CNTN5: variants seen among roughly 807,000 people sequenced by gnomAD.
CNTN5 encodes contactin 5.
Under a neutral mutation model 129.1 loss-of-function variants are expected in CNTN5, and 77 were observed. The ratio of observed to expected loss-of-function variants is 0.60; its 90% CI spans 0.50 to 0.72. The LOEUF is 0.72. CNTN5 is among the 30% of genes least tolerant of loss of function. CNTN5 has a pLI of 0.00. For missense variants in CNTN5, 1,478 were observed against 1,328.8 expected, an observed-to-expected ratio of 1.11 and a Z score of -1.75; for synonymous variants, 509 against 465.6, an observed-to-expected ratio of 1.09 and a Z score of -1.20.
chr11:100,249,833 C>G (rs1430758639), intron 16 of CNTN5, among the ~76,000 whole-genome samples: 1 of 152,096 alleles, frequency 6.6e-6, no homozygotes, highest in Non-Finnish European at 1.5e-5. Flanking sequence ...TGATGTAATT[C>G]ACTCCTAAAT....
chr11:99,550,940 A>G (rs1948460310), intron 2 of CNTN5, among the ~76,000 whole-genome samples: 1 of 152,184 alleles, frequency 6.6e-6, no homozygotes, highest in Admixed American at 6.5e-5. Flanking sequence ...GAGTAAGAGC[A>G]TTTGGCAAAA....
chr11:100,079,539 C>T (rs1022715274), intron 13 of CNTN5, among the ~76,000 whole-genome samples: 4 of 152,078 alleles, frequency 2.6e-5, no homozygotes, highest in African/African-American at 7.2e-5. Context: ...CTGTCCTAGC[C>T]GACCAAATAT....
intron 2 of CNTN5, among the ~76,000 whole-genome samples, chr11:99,541,935 T>C (rs1948123078): frequency 8.4e-6 from 1 of 118,654 alleles, no homozygotes; most frequent in Non-Finnish European, 1.6e-5. Context: ...CTGGTCTTGG[T>C]GACAGAGGGA....
chr11:100,284,106 C>A (rs1024669982), intron 18 of CNTN5, among the ~76,000 whole-genome samples: 8 of 152,184 alleles, frequency 5.3e-5, no homozygotes, highest in Admixed American at 1.3e-4. Flanking sequence ...CAGATTTTCT[C>A]TTCTGTGTTG....
chr11:99,187,278 C>G lies in CNTN5; in HGVS notation c.-209-138068C>G, dbSNP rs571821830. Among the ~76,000 whole-genome samples, 10 of 151,766 alleles carry G rather than the reference C, an allele frequency of 6.6e-5. No homozygotes were observed. The East Asian group carries it at 1.7e-3, about 26-fold the overall frequency. The stretch of plus-strand genomic sequence containing the variant: ...TACCTTCTTCTCTTATAACCCCAGG[C>G]AGCACTTAACATAAAGAGAAGTCTG... On this transcript the variant is annotated intron_variant, in intron 1 of 24. Transcript: ENST00000524871.
At chr11:99,625,061 A>G (rs1429009517) in intron 3 of CNTN5, among the ~76,000 whole-genome samples, 1 of 152,172 alleles carries the variant, frequency 6.6e-6, no homozygotes, top group Non-Finnish European at 1.5e-5. Context: ...TGTTGGACAC[A>G]TGGCAGAAGA....
intron 3 of CNTN5, among the ~76,000 whole-genome samples, chr11:99,742,152 T>C (rs1254194316): frequency 6.6e-6 from 1 of 152,110 alleles, no homozygotes; most frequent in Admixed American, 6.6e-5. Context: ...CTACTTAAAG[T>C]AGGAGGAAGT....
At chr11:99,321,174 C>T (rs1865553631) in intron 1 of CNTN5, among the ~76,000 whole-genome samples, 1 of 150,686 alleles carries the variant, frequency 6.6e-6, no homozygotes, top group South Asian at 2.1e-4. Context: ...TGTCAGCTCC[C>T]ATAATCACAT....
chr11:100,072,883 C>T (rs990876973), intron 12 of CNTN5, among the ~76,000 whole-genome samples: 1 of 150,042 alleles, frequency 6.7e-6, no homozygotes, highest in African/African-American at 2.5e-5. Flanking sequence ...AATTAAAAGG[C>T]TGATTCACCC....
intron 3 of CNTN5, among the ~76,000 whole-genome samples, chr11:99,639,564 T>TTTG (rs1555057424): frequency 2.2e-5 from 3 of 137,778 alleles, no homozygotes; most frequent in African/African-American, 5.4e-5. Context: ...TTTATGTTTT[T>TTTG]TTTTTTTTTT....
chr11:99,160,208 C>T (rs931458924), intron 1 of CNTN5, among the ~76,000 whole-genome samples: 1 of 152,086 alleles, frequency 6.6e-6, no homozygotes, highest in South Asian at 2.1e-4. Context: ...TGATATAAGC[C>T]AGTAGTGTTA....
At chr11:100,050,514 T>A (rs1013561260) in intron 9 of CNTN5, among the ~76,000 whole-genome samples, 2 of 151,946 alleles carry the variant, frequency 1.3e-5, no homozygotes, top group Non-Finnish European at 2.9e-5. Context: ...TTAGGAGATA[T>A]ACCTAATGCT....
chr11:99,774,342 T>A (rs562304632), intron 3 of CNTN5, among the ~76,000 whole-genome samples: 1 of 151,450 alleles, frequency 6.6e-6, no homozygotes, highest in African/African-American at 2.4e-5. Context: ...GTTTTTTTTT[T>A]GGGGGGGTGG....
chr11:99,111,550 C>G (rs558362754), intron 1 of CNTN5, among the ~76,000 whole-genome samples: 6 of 151,970 alleles, frequency 3.9e-5, no homozygotes, highest in African/African-American at 1.2e-4. Context: ...GTGGGGTATA[C>G]AAAAGTGACC....
At position 99,956,883 on chromosome 11, in the gene CNTN5, A is replaced by T. The variant is rs767375808; in HGVS notation, c.751A>T (p.Thr251Ser). The T allele has an allele frequency of 2.5e-6, 4 of 1,613,864 alleles. No individual in the cohort carries two copies. Among genetic ancestry groups the T allele is most frequent in the Non-Finnish European group, 3.4e-6 (4 of 1,179,850 alleles). The change falls in exon 8 of 25, where the codon ACA becomes TCA. Residue 251 changes from threonine to serine, a missense_variant. Transcript: ENST00000524871. Reference sequence around the variant, plus strand: ...CAGCCGGCGGTTCATCTCCCAGGAGACAGGCAACCTTTATATTTCTAAAGT... The same window carrying T: ...CAGCCGGCGGTTCATCTCCCAGGAGTCAGGCAACCTTTATATTTCTAAAGT... Reference protein sequence around the residue: ...EDSRRFISQETGNLYISKVQT... With the variant: ...EDSRRFISQESGNLYISKVQT...
At chr11:99,580,169 A>G (rs566197807) in intron 3 of CNTN5, among the ~76,000 whole-genome samples, 3 of 152,332 alleles carry the variant, frequency 2.0e-5, no homozygotes, top group African/African-American at 7.2e-5. Context: ...CTTGCATCCC[A>G]GGGATGAAGC....
intron 17 of CNTN5, among the ~76,000 whole-genome samples, chr11:100,264,452 G>T (rs973457494): frequency 1.3e-5 from 2 of 152,010 alleles, no homozygotes; most frequent in African/African-American, 2.4e-5. Flanking sequence ...TCATTTTTCA[G>T]TTCCCACTTA....
At chr11:99,199,240 A>G (rs1428176846) in intron 1 of CNTN5, among the ~76,000 whole-genome samples, 1 of 152,166 alleles carries the variant, frequency 6.6e-6, no homozygotes. Flanking sequence ...GAAGAAACAA[A>G]AGACAAATGC....
At chr11:99,399,249 C>G (rs7951260) in intron 2 of CNTN5, among the ~76,000 whole-genome samples, 5,616 of 151,324 alleles carry the variant, frequency 0.037, 343 homozygotes, top group African/African-American at 0.13. Context: ...AATAAACTAT[C>G]AAGAGCATTA....
Sources: gnomAD v4.1 joint callset for allele counts (sites outside exome capture counted in the v4.1 genomes callset) on GRCh38, gnomAD v4.1.1 for gene constraint, MANE v1.5 for transcripts, NCBI Gene and HGNC (gene_info 2026-07-23, HGNC 2026-07-21) for gene names.